Variants in FBXW7 observed in about 807,000 individuals in gnomAD.
The protein encoded by FBXW7 is F-box/WD repeat-containing protein 7.
FBXW7 carries 11 observed loss-of-function variants against 86.3 expected under a neutral mutation model. The observed-to-expected ratio is 0.13, with a 90% confidence interval of 0.08 to 0.21. FBXW7 has a LOEUF of 0.21. Among genes scored for constraint, FBXW7 ranks in the 10% least tolerant of loss-of-function variants. The probability of loss-of-function intolerance (pLI) is 1.00; values close to 1 mark genes in which losing one functional copy is unlikely to be tolerated. For synonymous variants in FBXW7, 313 were observed against 297.9 expected (o/e 1.05, Z -0.52); for missense variants, 488 against 847.4 (o/e 0.58, Z 5.27).
Position 152,535,682 on chromosome 4 carries a change from G to A in FBXW7, c.-768C>T, listed in dbSNP as rs936719076. On this transcript the variant is annotated 5_prime_UTR_variant, in exon 1 of 14. Transcript: ENST00000281708. ...CTGGGACCCCCCTCCCTACACCTTG[G>A]GGGTCTCGCCCCACGCCCCACGGGA... 8 of 396,050 alleles carry A rather than the reference G, an allele frequency of 2.0e-5. No individual in the cohort carries two copies. The highest frequency in any genetic ancestry group is 1.7e-4 in the African/African-American group (8 of 48,438). The allele number at this position is 396,050 out of a possible 1,614,324, so 24.5% of individuals were successfully genotyped here.
chr4:152,356,450 A>C (rs2126678845), intron 4 of FBXW7, among the ~76,000 whole-genome samples: 1 of 152,262 alleles, frequency 6.6e-6, no homozygotes, highest in Non-Finnish European at 1.5e-5. Context: ...ATACACTTCC[A>C]TTTTATAATA....
At chr4:152,488,165 C>A (rs955607472) in intron 2 of FBXW7, among the ~76,000 whole-genome samples, 1 of 151,948 alleles carries the variant, frequency 6.6e-6, no homozygotes, top group African/African-American at 2.4e-5. Flanking sequence ...TCTACAAAAT[C>A]ATCCTATTAA....
At chr4:152,530,756 T>C (rs1191464861) in intron 2 of FBXW7, 1 of 152,228 alleles carries the variant, frequency 6.6e-6, no homozygotes, top group Non-Finnish European at 1.5e-5. Context: ...GATTTGGCAG[T>C]TGTCTATACC....
At chr4:152,368,139 C>G (rs1733667684) in intron 4 of FBXW7, among the ~76,000 whole-genome samples, 1 of 152,028 alleles carries the variant, frequency 6.6e-6, no homozygotes, top group South Asian at 2.1e-4. Flanking sequence ...CCCCATCTGC[C>G]AGCACCCCAT....
At chr4:152,459,910 G>A (rs1013157847) in intron 2 of FBXW7, among the ~76,000 whole-genome samples, 10 of 152,162 alleles carry the variant, frequency 6.6e-5, no homozygotes, top group African/African-American at 2.4e-4. Context: ...GGATAAGGGG[G>A]ACTACTATAT....
chr4:152,353,315 G>C (rs1217277722), intron 4 of FBXW7, among the ~76,000 whole-genome samples: 1 of 152,082 alleles, frequency 6.6e-6, no homozygotes, highest in South Asian at 2.1e-4. Context: ...TGACAATAAA[G>C]TAAACTGGTT....
At chr4:152,497,921 C>T (rs1299361753) in intron 2 of FBXW7, among the ~76,000 whole-genome samples, 2 of 152,162 alleles carry the variant, frequency 1.3e-5, no homozygotes, top group Non-Finnish European at 2.9e-5. Context: ...TAAATCTACA[C>T]ATGTCAATAT....
intron 4 of FBXW7, among the ~76,000 whole-genome samples, chr4:152,404,463 G>A (rs1351585789): frequency 6.6e-6 from 1 of 152,136 alleles, no homozygotes; most frequent in Non-Finnish European, 1.5e-5. Flanking sequence ...ATGTATATAT[G>A]TAGATACATA....
At chr4:152,444,673 T>C (rs1335563006) in intron 2 of FBXW7, among the ~76,000 whole-genome samples, 1 of 152,202 alleles carries the variant, frequency 6.6e-6, no homozygotes, top group Non-Finnish European at 1.5e-5. Flanking sequence ...ATTCTCAATA[T>C]CATTGGTTGT....
At chr4:152,498,554 T>C (rs146521292) in intron 2 of FBXW7, among the ~76,000 whole-genome samples, 63 of 152,308 alleles carry the variant, frequency 4.1e-4, no homozygotes, top group Non-Finnish European at 7.6e-4. Flanking sequence ...AGACATTCTG[T>C]TGGACAATGC....
intron 2 of FBXW7, among the ~76,000 whole-genome samples, chr4:152,438,430 C>G (rs1273018321): frequency 6.6e-6 from 1 of 152,078 alleles, no homozygotes; most frequent in East Asian, 1.9e-4. Flanking sequence ...GTAATCTCAG[C>G]ACTTTGGGAG....
At chr4:152,336,367 T>C (rs1730109218) in intron 7 of FBXW7, among the ~76,000 whole-genome samples, 1 of 152,106 alleles carries the variant, frequency 6.6e-6, no homozygotes, top group Admixed American at 6.6e-5. Flanking sequence ...ATTTTGTCTG[T>C]TAAGAAGTTA....
chr4:152,402,918 G>C (rs923509423), intron 4 of FBXW7, among the ~76,000 whole-genome samples: 7 of 149,906 alleles, frequency 4.7e-5, no homozygotes, highest in African/African-American at 1.7e-4. Flanking sequence ...AAACTATGAA[G>C]ATACTTCACA....
intron 2 of FBXW7, among the ~76,000 whole-genome samples, chr4:152,483,186 A>G (rs534543813): frequency 1.3e-5 from 2 of 152,244 alleles, no homozygotes; most frequent in East Asian, 3.9e-4. Flanking sequence ...TAATTTGTGT[A>G]CACTCTTTGA....
intron 2 of FBXW7, among the ~76,000 whole-genome samples, chr4:152,500,216 A>C (rs189157290): frequency 6.6e-6 from 1 of 152,236 alleles, no homozygotes; most frequent in East Asian, 1.9e-4. Context: ...AATCCACTCC[A>C]TCAGTTCTAT....
At chr4:152,482,339 C>T (rs1282726413) in intron 2 of FBXW7, among the ~76,000 whole-genome samples, 3 of 152,114 alleles carry the variant, frequency 2.0e-5, no homozygotes, top group Non-Finnish European at 4.4e-5. Context: ...AACTTATATG[C>T]ACTAGGAAAA....
chr4:152,349,998 T>TA (rs1268399757), intron 5 of FBXW7, 44 bp downstream of exon 5: 2 of 1,156,698 alleles, frequency 1.7e-6, no homozygotes, highest in Non-Finnish European at 2.4e-6. Context: ...GAATCAACTC[T>TA]AAAAAACTGA....
intron 4 of FBXW7, among the ~76,000 whole-genome samples, chr4:152,410,289 A>AG (rs1292323073): frequency 6.6e-6 from 1 of 152,154 alleles, no homozygotes; most frequent in East Asian, 1.9e-4. Context: ...GATCAAGACT[A>AG]GGGGGGCAAA....
intron 4 of FBXW7, among the ~76,000 whole-genome samples, chr4:152,369,635 A>G (rs1733829169): frequency 6.6e-6 from 1 of 152,040 alleles, no homozygotes; most frequent in African/African-American, 2.4e-5. Context: ...TAAAAATAAG[A>G]CTGTTCGGTA....
Sources: allele counts gnomAD v4.1 joint callset (sites outside exome capture counted in the v4.1 genomes callset), GRCh38; gene constraint gnomAD v4.1.1; transcripts MANE v1.5; gene names NCBI Gene and HGNC (gene_info 2026-07-23, HGNC 2026-07-21).